NKAIN2: variants seen among roughly 807,000 people sequenced by gnomAD.
The protein encoded by NKAIN2 is sodium/potassium-transporting ATPase subunit beta-1-interacting protein 2.
In NKAIN2, 14 loss-of-function variants were observed where a neutral mutation model predicts 32.6. That is an observed-to-expected ratio of 0.43 (90% CI 0.28 to 0.67). The LOEUF (loss-of-function observed/expected upper bound fraction) is 0.67, where lower values mean the gene tolerates loss of function less well. NKAIN2 is among the 30% of genes least tolerant of loss of function. NKAIN2 has a pLI of 0.17. For synonymous variants in NKAIN2, 80 were observed against 87.2 expected (o/e 0.92, Z 0.46); for missense variants, 198 against 258.3 (o/e 0.77, Z 1.60).
chr6:124,494,877 A>G (rs978187177), intron 3 of NKAIN2, among the ~76,000 whole-genome samples: 4 of 152,210 alleles, frequency 2.6e-5, no homozygotes, highest in African/African-American at 9.6e-5. Flanking sequence ...ATAAAACAAG[A>G]AAGTAAGGAA....
intron 3 of NKAIN2, among the ~76,000 whole-genome samples, chr6:124,618,418 C>G (rs912255212): frequency 2.0e-5 from 3 of 152,150 alleles, no homozygotes; most frequent in African/African-American, 7.2e-5. Context: ...GCGGAGGTTG[C>G]AGTGAGCCAA....
At chr6:123,819,692 A>G (rs1773844763) in intron 1 of NKAIN2, among the ~76,000 whole-genome samples, 2 of 152,196 alleles carry the variant, frequency 1.3e-5, no homozygotes, top group African/African-American at 4.8e-5. Flanking sequence ...GCCCCATACC[A>G]GCAGGGTAAT....
chr6:124,027,216 T>C lies in NKAIN2; in HGVS notation c.54+222962T>C, dbSNP rs1055415985. The stretch of plus-strand genomic sequence containing the variant: ...GTGCAATAGCACGATCTCAGCTCAC[T>C]GCAACCTCCGCCTCCCGGGTTCAAG... On this transcript the variant is annotated intron_variant, in intron 1 of 6. Coordinates refer to ENST00000368417, the MANE Select transcript of NKAIN2 (RefSeq NM_001040214.3). 4.0e-5 allele frequency among the ~76,000 whole-genome samples: 6 copies of C among 151,858 alleles called. No individual in the cohort carries two copies. In the East Asian group the frequency reaches 1.2e-3, roughly 30 times the overall value.
intron 4 of NKAIN2, among the ~76,000 whole-genome samples, chr6:124,740,095 T>A (rs1777131206): frequency 6.6e-6 from 1 of 151,664 alleles, no homozygotes; most frequent in Non-Finnish European, 1.5e-5. Context: ...ACTCAAAACT[T>A]CTCATTCAAA....
chr6:124,727,582 C>T (rs929683842), intron 4 of NKAIN2, among the ~76,000 whole-genome samples: 14 of 151,696 alleles, frequency 9.2e-5, no homozygotes, highest in African/African-American at 2.2e-4. Flanking sequence ...AGGAACAACC[C>T]GTACCAGCCA....
At chr6:124,757,021 C>T (rs1456610709) in intron 4 of NKAIN2, among the ~76,000 whole-genome samples, 1 of 152,004 alleles carries the variant, frequency 6.6e-6, no homozygotes. Context: ...AAGTTTTGTA[C>T]AAAACCTGTA....
At chr6:124,681,197 A>G (rs1329493259) in intron 4 of NKAIN2, among the ~76,000 whole-genome samples, 1 of 152,022 alleles carries the variant, frequency 6.6e-6, no homozygotes, top group African/African-American at 2.4e-5. Flanking sequence ...GTGTTCACAT[A>G]TTATTTTATT....
chr6:124,622,733 G>A (rs1017253173), intron 3 of NKAIN2, among the ~76,000 whole-genome samples: 10 of 152,160 alleles, frequency 6.6e-5, no homozygotes, highest in African/African-American at 2.2e-4. Flanking sequence ...TTCCCCCGGA[G>A]TTGAGCCATC....
At chr6:123,849,670 G>A (rs1775234267) in intron 1 of NKAIN2, among the ~76,000 whole-genome samples, 1 of 152,174 alleles carries the variant, frequency 6.6e-6, no homozygotes, top group African/African-American at 2.4e-5. Context: ...GGGTGCCAGT[G>A]TGCTTGTAGC....
chr6:124,470,963 G>A (rs1057005830), intron 3 of NKAIN2, among the ~76,000 whole-genome samples: 1 of 152,102 alleles, frequency 6.6e-6, no homozygotes, highest in African/African-American at 2.4e-5. Flanking sequence ...CAGTTTTGTA[G>A]ATAAAGTTTT....
At chr6:124,360,644 A>G (rs62434742) in intron 3 of NKAIN2, among the ~76,000 whole-genome samples, 3,638 of 152,292 alleles carry the variant, frequency 0.024, 88 homozygotes, top group Non-Finnish European at 0.034. Flanking sequence ...TAAATGTTAT[A>G]TCATAGTTAA....
At chr6:124,121,462 A>G (rs1354764511) in intron 1 of NKAIN2, among the ~76,000 whole-genome samples, 1 of 152,094 alleles carries the variant, frequency 6.6e-6, no homozygotes, top group Non-Finnish European at 1.5e-5. Context: ...TACATGTTGT[A>G]TTTCACTGAT....
At chr6:124,086,476 T>G (rs139232254) in intron 1 of NKAIN2, among the ~76,000 whole-genome samples, 125 of 152,120 alleles carry the variant, frequency 8.2e-4, no homozygotes, top group African/African-American at 3.0e-3. Context: ...TTGTCTCCTC[T>G]TTTTGTTTTG....
intron 1 of NKAIN2, among the ~76,000 whole-genome samples, chr6:124,050,365 T>A (rs1159330138): frequency 3.3e-5 from 5 of 152,028 alleles, no homozygotes; most frequent in Non-Finnish European, 2.9e-5. Flanking sequence ...AAGTAAAATA[T>A]ATAATCTTGC....
intron 1 of NKAIN2, among the ~76,000 whole-genome samples, chr6:123,809,934 AT>A (rs1220774577): frequency 6.6e-6 from 1 of 152,158 alleles, no homozygotes; most frequent in African/African-American, 2.4e-5. Context: ...ATATAAACTG[AT>A]TTTTAAGTGC....
At chr6:124,401,294 T>C (rs941484962) in intron 3 of NKAIN2, among the ~76,000 whole-genome samples, 8 of 152,286 alleles carry the variant, frequency 5.3e-5, no homozygotes, top group Admixed American at 1.3e-4. Context: ...TTTTTTGTGC[T>C]AATGTATACT....
chr6:123,987,557 A>G (rs544462513), intron 1 of NKAIN2, among the ~76,000 whole-genome samples: 8 of 152,254 alleles, frequency 5.3e-5, no homozygotes, highest in African/African-American at 1.9e-4. Flanking sequence ...TTGCTGAGCT[A>G]CATTATTATC....
At chr6:124,226,884 C>T (rs927390136) in intron 1 of NKAIN2, among the ~76,000 whole-genome samples, 2 of 152,190 alleles carry the variant, frequency 1.3e-5, no homozygotes, top group African/African-American at 4.8e-5. Flanking sequence ...AGCACTTACA[C>T]ACAGGAATCT....
intron 1 of NKAIN2, among the ~76,000 whole-genome samples, chr6:123,908,356 C>A (rs1774995451): frequency 1.3e-5 from 2 of 152,156 alleles, no homozygotes; most frequent in African/African-American, 4.8e-5. Context: ...TGATTATTTA[C>A]TTAAAAAAGG....
Sources: gnomAD v4.1 joint callset for allele counts (sites outside exome capture counted in the v4.1 genomes callset) on GRCh38, gnomAD v4.1.1 for gene constraint, MANE v1.5 for transcripts, NCBI Gene and HGNC (gene_info 2026-07-23, HGNC 2026-07-21) for gene names.